SH2D4A: variants seen among roughly 807,000 people sequenced by gnomAD.
The protein encoded by SH2D4A is SH2 domain-containing protein 4A.
SH2D4A carries 70 observed loss-of-function variants against 64.7 expected under a neutral mutation model. The ratio of observed to expected loss-of-function variants is 1.08; its 90% CI spans 0.89 to 1.32. The LOEUF is 1.32. SH2D4A is among the 40% of genes most tolerant of loss of function. SH2D4A has a pLI of 0.00. For synonymous variants in SH2D4A, 268 were observed against 200.7 expected, an observed-to-expected ratio of 1.34 and a Z score of -2.83; for missense variants, 706 against 540.1, an observed-to-expected ratio of 1.31 and a Z score of -3.04.
At chr8:19,325,055 C>A (rs939844987) in intron 2 of SH2D4A, among the ~76,000 whole-genome samples, 3 of 152,060 alleles carry the variant, frequency 2.0e-5, no homozygotes, top group Non-Finnish European at 4.4e-5. Flanking sequence ...GATGCAAAAC[C>A]CAATTCACCA....
chr8:19,334,645 G>A lies in SH2D4A; in HGVS notation c.342-41G>A, dbSNP rs754169469. The stretch of plus-strand genomic sequence containing the variant: ...ATGCTTTGGAAAGGCTCTTCCTGTT[G>A]AAGAATGTTTTTTGAGAATTTCACT... On this transcript the variant is annotated intron_variant, in intron 3 of 9. Transcript: ENST00000265807. 28 of 1,558,590 alleles carry A rather than the reference G, an allele frequency of 1.8e-5. No homozygotes were observed. In the East Asian group the frequency reaches 6.3e-4, roughly 35 times the overall value.
At chr8:19,322,176 C>T (rs187982764) in intron 2 of SH2D4A, among the ~76,000 whole-genome samples, 175 of 152,298 alleles carry the variant, frequency 1.1e-3, no homozygotes, top group Non-Finnish European at 2.1e-3. Flanking sequence ...TTTCATCTTG[C>T]GCTGTCTTTG....
At chr8:19,376,923 T>C (rs2053205473) in intron 8 of SH2D4A, among the ~76,000 whole-genome samples, 1 of 152,156 alleles carries the variant, frequency 6.6e-6, no homozygotes, top group African/African-American at 2.4e-5. Flanking sequence ...AATTTTAATT[T>C]TTTCCCTTTA....
At chr8:19,329,443 A>G (rs1158760368) in intron 2 of SH2D4A, among the ~76,000 whole-genome samples, 9 of 152,194 alleles carry the variant, frequency 5.9e-5, no homozygotes, top group South Asian at 4.1e-4. Context: ...TTCCACAACT[A>G]GAATGTTAGT....
intron 1 of SH2D4A, among the ~76,000 whole-genome samples, chr8:19,317,358 C>G (rs1331402560): frequency 7.5e-6 from 1 of 133,724 alleles, no homozygotes; most frequent in East Asian, 2.1e-4. Flanking sequence ...TATCTCAATG[C>G]AAAATACAAA....
chr8:19,332,954 G>C lies in SH2D4A; in HGVS notation c.182-1G>C. The C allele has an allele frequency of 6.2e-7, 1 of 1,609,194 alleles. No homozygotes were observed. Among genetic ancestry groups the C allele is most frequent in the Non-Finnish European group, 8.5e-7 (1 of 1,178,936 alleles). On this transcript the variant is annotated splice_acceptor_variant, in intron 2 of 9. Transcript: ENST00000265807. LOFTEE classifies it high-confidence loss of function. ...TTTTTTGTTTGTGTGTTTGTTTGCA[G>C]AGAATGGCAAATCGGTTCATTGGAA...
rs369364061 is a variant in SH2D4A at position 19,364,053 on chromosome 8, G to C, written c.707-19G>C. 2 of 1,613,144 alleles carry C rather than the reference G, an allele frequency of 1.2e-6. No homozygotes were observed. Among genetic ancestry groups the C allele is most frequent in the Non-Finnish European group, 1.7e-6 (2 of 1,179,670 alleles). ...CTGTGGGCTGATGAGGGTTTTCTCC[G>C]ACCCCGTTGTTTTTCCAGTGCGAAA... On this transcript the variant is annotated intron_variant, in intron 6 of 9. Coordinates refer to ENST00000265807, the MANE Select transcript of SH2D4A (RefSeq NM_022071.4).
intron 8 of SH2D4A, among the ~76,000 whole-genome samples, chr8:19,386,323 G>T (rs1434267404): frequency 1.3e-5 from 2 of 152,232 alleles, no homozygotes; most frequent in African/African-American, 4.8e-5. Context: ...TAGCTTTTCT[G>T]CAGAACATTC....
chr8:19,387,718 T>C (rs955442116), intron 8 of SH2D4A, among the ~76,000 whole-genome samples: 12 of 152,226 alleles, frequency 7.9e-5, no homozygotes, highest in Non-Finnish European at 1.3e-4. Flanking sequence ...AGTCTCCCCA[T>C]TAATTACTTG....
At chr8:19,386,453 G>A (rs1044078311) in intron 8 of SH2D4A, among the ~76,000 whole-genome samples, 3 of 152,182 alleles carry the variant, frequency 2.0e-5, no homozygotes, top group Non-Finnish European at 4.4e-5. Flanking sequence ...ATTAGCTCCA[G>A]GCTCTTACTT....
chr8:19,386,307 A>AAG (rs1212152745), intron 8 of SH2D4A, among the ~76,000 whole-genome samples: 1 of 152,218 alleles, frequency 6.6e-6, no homozygotes, highest in Non-Finnish European at 1.5e-5. Context: ...CGGATTTGGG[A>AAG]AGAGCTAGCT....
chr8:19,366,304 A>G (rs759596673), intron 7 of SH2D4A, among the ~76,000 whole-genome samples: 3 of 152,196 alleles, frequency 2.0e-5, no homozygotes, highest in African/African-American at 4.8e-5. Context: ...CTTTGTGGTG[A>G]GAACATTCAA....
chr8:19,359,089 T>C (rs533251523), intron 5 of SH2D4A, among the ~76,000 whole-genome samples: 1 of 152,270 alleles, frequency 6.6e-6, no homozygotes, highest in East Asian at 1.9e-4. Flanking sequence ...CATTACAGAT[T>C]TTGATAAAAG....
intron 4 of SH2D4A, among the ~76,000 whole-genome samples, chr8:19,339,495 CTTT>C (rs5889867): frequency 7.8e-6 from 1 of 129,004 alleles, no homozygotes; most frequent in East Asian, 2.3e-4. Context: ...TATAAACTTT[CTTT>C]TTTTTTTTTT....
intron 2 of SH2D4A, among the ~76,000 whole-genome samples, chr8:19,326,604 A>G (rs2052284381): frequency 6.6e-6 from 1 of 152,128 alleles, no homozygotes; most frequent in African/African-American, 2.4e-5. Flanking sequence ...GATAAAGTAC[A>G]TGATTCTCCT....
At chr8:19,349,660 T>C (rs989822135) in intron 4 of SH2D4A, among the ~76,000 whole-genome samples, 1 of 152,238 alleles carries the variant, frequency 6.6e-6, no homozygotes, top group East Asian at 1.9e-4. Context: ...AGTAGCTACA[T>C]GCCATTGGGT....
Position 19,364,171 on chromosome 8 carries a change from G to T in SH2D4A, c.806G>T (p.Gly269Val), listed in dbSNP as rs762296024. The T allele has an allele frequency of 1.2e-6, 2 of 1,614,128 alleles. No homozygotes were observed. Among genetic ancestry groups the T allele is most frequent in the Non-Finnish European group, 1.7e-6 (2 of 1,179,994 alleles). Residue 269 changes from glycine (G) to valine (V), a missense_variant, in exon 7 of 10, where the codon GGC (glycine) becomes GTC (valine). Physicochemically the swap from Gly to Val is moderately radical, Grantham distance 109. Transcript: ENST00000265807. ...RLSLGAQKGR[G>V]GERLQSPLRV... ...TCCCTCGGGGCCCAGAAAGGAAGAG[G>T]CGGTGAGAGGCTGCAAAGCCCCTTG...
intron 4 of SH2D4A, among the ~76,000 whole-genome samples, chr8:19,339,800 C>T (rs2052498828): frequency 6.6e-6 from 1 of 152,112 alleles, no homozygotes; most frequent in Non-Finnish European, 1.5e-5. Context: ...TGTGCCCAGC[C>T]CCTATACATT....
At position 19,362,017 on chromosome 8, in the gene SH2D4A, A is replaced by G. The variant is rs978527200; in HGVS notation, c.706+703A>G. On this transcript the variant is annotated intron_variant, in intron 6 of 9. Coordinates refer to ENST00000265807, the MANE Select transcript of SH2D4A (RefSeq NM_022071.4). ...AGAGGAGAGGATGCTCCAGAATGCT[A>G]GAAGAATTAGGTTTGTGAAAGAATT... is the stretch of plus-strand genomic sequence containing the variant. Among the ~76,000 whole-genome samples, 2 of 152,212 alleles carry G rather than the reference A, an allele frequency of 1.3e-5. 1 individual carries two copies. Among genetic ancestry groups the G allele is most frequent in the South Asian group, 4.1e-4 (2 of 4,834 alleles).
Sources: gnomAD v4.1 joint callset for allele counts (sites outside exome capture counted in the v4.1 genomes callset) on GRCh38, gnomAD v4.1.1 for gene constraint, MANE v1.5 for transcripts, NCBI Gene and HGNC (gene_info 2026-07-23, HGNC 2026-07-21) for gene names.